VIPR2: variants seen among roughly 807,000 people sequenced by gnomAD.
VIPR2 encodes vasoactive intestinal polypeptide receptor 2.
VIPR2 carries 48 observed loss-of-function variants against 58.0 expected under a neutral mutation model. The observed-to-expected ratio is 0.83, with a 90% CI of 0.66 to 1.05. VIPR2 has a LOEUF of 1.05. VIPR2 is among the 50% of genes least tolerant of loss of function. The probability of loss-of-function intolerance (pLI) is 0.00; values close to 1 mark genes in which losing one functional copy is unlikely to be tolerated. For missense variants in VIPR2, 534 were observed against 558.0 expected (o/e 0.96, Z 0.43); for synonymous variants, 243 against 235.2 (o/e 1.03, Z -0.30).
At chr7:159,059,116 T>C (rs963833541) in intron 4 of VIPR2, 2 of 405,106 alleles carry the variant, frequency 4.9e-6, no homozygotes, top group African/African-American at 4.2e-5. Flanking sequence ...GCAAGGTCCA[T>C]GGCTTGATAC....
intron 2 of VIPR2, among the ~76,000 whole-genome samples, chr7:159,121,670 C>T (rs1045490116): frequency 1.3e-5 from 2 of 152,038 alleles, no homozygotes; most frequent in African/African-American, 2.4e-5. Context: ...GTATAATATT[C>T]CACAGTACAA....
Position 159,113,578 on chromosome 7 carries a change from C to G in VIPR2, c.152-3659G>C, listed in dbSNP as rs74410750. Among the ~76,000 whole-genome samples, 793 of 152,206 alleles carry G rather than the reference C, an allele frequency of 5.2e-3. 19 individuals carry two copies. The highest frequency in any genetic ancestry group is 0.017 in the East Asian group (87 of 5,172). On this transcript the variant is annotated intron_variant, in intron 2 of 12. Coordinates refer to ENST00000262178, the MANE Select transcript of VIPR2 (RefSeq NM_003382.5). ...CCCTGAGACCACCTCAGTGCAGTGT[C>G]TTGAGAGTGTTCTGGCCTGAGGTTT...
intron 2 of VIPR2, among the ~76,000 whole-genome samples, chr7:159,135,004 G>GTTTTTTGTTTTTTTTTTTTTTTTTT (rs1416758329): frequency 1.5e-5 from 1 of 65,992 alleles, no homozygotes; most frequent in African/African-American, 6.5e-5. Context: ...AATTACAAAA[G>GTTTTTTGTTTTTTTTTTTTTTTTTT]TTTTTTTTTT....
Position 159,051,530 on chromosome 7 carries a change from T to C in VIPR2, c.455+6951A>G, listed in dbSNP as rs536591425. 4.8e-4 allele frequency among the ~76,000 whole-genome samples: 73 copies of C among 152,122 alleles called. 1 individual carries two copies. Among genetic ancestry groups the C allele is most frequent in the Middle Eastern group, 6.8e-3 (2 of 294 alleles). On this transcript the variant is annotated intron_variant, in intron 5 of 12. Coordinates refer to ENST00000262178, the MANE Select transcript of VIPR2 (RefSeq NM_003382.5). The stretch of plus-strand genomic sequence containing the variant: ...AATTAGAAAGCAAAGAAATGAAAGG[T>C]AGATTAGAACTCACAGTTGTCATAA...
At chr7:159,037,977 T>C (rs1854077459) in intron 6 of VIPR2, among the ~76,000 whole-genome samples, 1 of 152,206 alleles carries the variant, frequency 6.6e-6, no homozygotes, top group African/African-American at 2.4e-5. Context: ...TACTTACATA[T>C]GTATGGGTGG....
At chr7:159,067,224 T>C (rs1444137977) in intron 4 of VIPR2, among the ~76,000 whole-genome samples, 1 of 152,226 alleles carries the variant, frequency 6.6e-6, no homozygotes, top group Non-Finnish European at 1.5e-5. Flanking sequence ...TTCCCTCTGT[T>C]AATCAACATT....
At chr7:159,046,315 A>G (rs748520287) in intron 5 of VIPR2, among the ~76,000 whole-genome samples, 2 of 152,214 alleles carry the variant, frequency 1.3e-5, no homozygotes, top group African/African-American at 4.8e-5. Flanking sequence ...AACAGTTCAA[A>G]TGTCCATGAG....
At chr7:159,123,446 G>C (rs1226877209) in intron 2 of VIPR2, among the ~76,000 whole-genome samples, 1 of 152,058 alleles carries the variant, frequency 6.6e-6, no homozygotes, top group Non-Finnish European at 1.5e-5. Context: ...TAAGGAAACT[G>C]TCTCTAGCTC....
chr7:159,085,278 C>T (rs978325744), intron 4 of VIPR2, among the ~76,000 whole-genome samples: 9 of 152,150 alleles, frequency 5.9e-5, no homozygotes, highest in African/African-American at 1.9e-4. Flanking sequence ...TCCCACAACA[C>T]GGATGAGGCG....
intron 2 of VIPR2, among the ~76,000 whole-genome samples, chr7:159,138,110 G>A (rs192549721): frequency 1.2e-3 from 188 of 152,292 alleles, no homozygotes; most frequent in Non-Finnish European, 2.1e-3. Context: ...TCCAGCTCCC[G>A]CAGCAGAGGG....
At chr7:159,036,135 T>C (rs1318253973) in intron 7 of VIPR2, 123 bp from the exon 8 acceptor site, 1 of 1,164,620 alleles carries the variant, frequency 8.6e-7, no homozygotes, top group Admixed American at 2.9e-5. Flanking sequence ...TGCAATCTCT[T>C]GTTTAAAGTC....
chr7:159,070,572 G>A lies in VIPR2; in HGVS notation c.358-11994C>T, dbSNP rs554190195. On this transcript the variant is annotated intron_variant, in intron 4 of 12. Coordinates refer to ENST00000262178, the MANE Select transcript of VIPR2 (RefSeq NM_003382.5). ...ATAGGATGCAGACAGCACGTCAGGC[G>A]TTGTGGGAAGCACGGCCGCTACTGA... is the stretch of plus-strand genomic sequence containing the variant. 3.4e-4 allele frequency among the ~76,000 whole-genome samples: 52 copies of A among 152,256 alleles called. No homozygotes were observed. In the South Asian group the frequency reaches 6.6e-3, roughly 19 times the overall value.
At chr7:159,061,828 G>A (rs764372251) in intron 4 of VIPR2, among the ~76,000 whole-genome samples, 2 of 152,148 alleles carry the variant, frequency 1.3e-5, no homozygotes, top group Non-Finnish European at 2.9e-5. Flanking sequence ...CCGCGGCGGA[G>A]TACCGGGATC....
chr7:159,109,972 A>G (rs1368155130), intron 2 of VIPR2, 53 bp from the exon 3 acceptor site: 6 of 1,553,872 alleles, frequency 3.9e-6, no homozygotes, highest in Non-Finnish European at 3.5e-6. Context: ...AAGTGTCACA[A>G]ATAGAAACCC....
intron 4 of VIPR2, among the ~76,000 whole-genome samples, chr7:159,082,798 GCAGACAGACAAA>G (rs1190562517): frequency 2.6e-5 from 4 of 152,052 alleles, no homozygotes; most frequent in African/African-American, 9.7e-5. Flanking sequence ...TTGCAGACAG[GCAGACAGACAAA>G]CAGACAGATA....
At chr7:159,075,482 T>G (rs1475886699) in intron 4 of VIPR2, among the ~76,000 whole-genome samples, 2 of 152,226 alleles carry the variant, frequency 1.3e-5, no homozygotes, top group East Asian at 3.8e-4. Flanking sequence ...CAATAAAATC[T>G]TCATATCATA....
At position 159,127,428 on chromosome 7, in the gene VIPR2, G is replaced by A. The variant is rs532438457; in HGVS notation, c.151+15018C>T. Among the ~76,000 whole-genome samples the A allele has an allele frequency of 2.1e-4, 32 of 152,256 alleles. No individual in the cohort carries two copies. The East Asian group carries it at 3.3e-3, about 16-fold the overall frequency. On this transcript the variant is annotated intron_variant, in intron 2 of 12. Transcript: ENST00000262178. This position sits in a 1 kb window ranked among gnomAD's most constrained non-coding sequence, Gnocchi z 4.6. ...ACCAAAACTATTAAATGAACAAGAG[G>A]ATTTTTCAAAGTAACGTTTATAGGT...
chr7:159,105,496 T>G (rs1238642356), intron 3 of VIPR2, among the ~76,000 whole-genome samples: 3 of 152,164 alleles, frequency 2.0e-5, no homozygotes, highest in African/African-American at 7.2e-5. Flanking sequence ...GGTGCGTGCA[T>G]GATTCTTGTC....
Position 159,031,900 on chromosome 7 carries a change from C to A in VIPR2, c.1102-31G>T, listed in dbSNP as rs747622313. 3 of 1,613,986 alleles carry A rather than the reference C, an allele frequency of 1.9e-6. No individual in the cohort carries two copies. Among genetic ancestry groups the A allele is most frequent in the Non-Finnish European group, 2.5e-6 (3 of 1,180,048 alleles). Reference sequence around the variant, plus strand: ...ATGAGAAGAGATGGTCAGGCAGGACCCGCGCTCGGGGGAGGGCGGCCGCCT... The same window carrying A: ...ATGAGAAGAGATGGTCAGGCAGGACACGCGCTCGGGGGAGGGCGGCCGCCT... On this transcript the variant is annotated intron_variant, in intron 11 of 12. Coordinates refer to ENST00000262178, the MANE Select transcript of VIPR2 (RefSeq NM_003382.5). The surrounding 1 kb of genome is among the most constrained non-coding windows in gnomAD (Gnocchi z 4.0).
Sources: gnomAD v4.1 joint callset for allele counts (sites outside exome capture counted in the v4.1 genomes callset) on GRCh38, gnomAD v4.1.1 for gene constraint, Gnocchi (gnomAD v3.1) non-coding constraint, MANE v1.5 for transcripts, NCBI Gene and HGNC (gene_info 2026-07-23, HGNC 2026-07-21) for gene names.